PROM1: variants seen among roughly 807,000 people sequenced by gnomAD.
The protein encoded by PROM1 is prominin-1.
In PROM1, 105 loss-of-function variants were observed where a neutral mutation model predicts 116.9. The ratio of observed to expected loss-of-function variants is 0.90; its 90% confidence interval spans 0.77 to 1.06. PROM1 has a LOEUF of 1.06. Ranked by LOEUF, PROM1 falls within the 50% of genes least tolerant of loss-of-function variation. The pLI, the probability that PROM1 is intolerant of heterozygous loss-of-function variation, is 0.00. For missense variants in PROM1, 1,122 were observed against 1,045.2 expected, an observed-to-expected ratio of 1.07 and a Z score of -1.01; for synonymous variants, 393 against 387.0, an observed-to-expected ratio of 1.02 and a Z score of -0.18.
rs765118929 is a variant in PROM1, at chr4:15,989,763, T to C, written c.2045A>G (p.Gln682Arg). ...RDAQTIKTIH[Q>R]QRVLPIEQSL... ...TTGTTCTATAGGAAGGACTCGTTGC[T>C]GGTGAATTGTTTTAATAGTTTGTGC... Residue 682 changes from glutamine to arginine, a missense_variant, in exon 19 of 28, where the codon CAG becomes CGG. Coordinates refer to ENST00000447510, the MANE Select transcript of PROM1 (RefSeq NM_006017.3). The C allele has an allele frequency of 1.2e-6, 2 of 1,609,606 alleles. No homozygotes were observed. Among genetic ancestry groups the C allele is most frequent in the Admixed American group, 3.4e-5 (2 of 59,520 alleles).
intron 2 of PROM1, among the ~76,000 whole-genome samples, chr4:16,041,849 T>C (rs13140264): frequency 0.14 from 20,840 of 150,730 alleles, 1,898 homozygotes; most frequent in East Asian, 0.31. Context: ...GACTTAGATA[T>C]ACCCAATCTC....
At chr4:16,024,425 G>T (rs1730718375) in intron 6 of PROM1, 67 bp from the exon 7 acceptor site, 1 of 1,317,248 alleles carries the variant, frequency 7.6e-7, no homozygotes, top group Non-Finnish European at 1.1e-6. Context: ...GGCAAAAAGA[G>T]ATTTAATATA....
intron 16 of PROM1, among the ~76,000 whole-genome samples, chr4:15,993,565 G>A (rs1328717609): frequency 2.0e-5 from 3 of 152,202 alleles, no homozygotes; most frequent in East Asian, 1.9e-4. Flanking sequence ...GAAGGAGAAC[G>A]GTATGGACCA....
chr4:16,013,443 T>C (rs1256087606), intron 10 of PROM1, 105 bp from the exon 11 acceptor site: 3 of 751,458 alleles, frequency 4.0e-6, no homozygotes, highest in Non-Finnish European at 4.7e-6. Context: ...AAAATAAAAA[T>C]ATAACATTCA....
At position 15,992,346 on chromosome 4, in the gene PROM1, G is replaced by C; in HGVS notation, c.1813C>G (p.Leu605Val). Residue 605 changes from leucine (L) to valine (V), a missense_variant, in exon 17 of 28, where the codon CTT (leucine) becomes GTT (valine). Leu to Val is a conservative substitution (Grantham distance 32). Transcript: ENST00000447510. ...GCTGCACCCAACAGAAAGATATTAAGATTTACCTTCAGACTTTCCAATTCA... is the reference window on the plus strand; with the variant it reads ...GCTGCACCCAACAGAAAGATATTAACATTTACCTTCAGACTTTCCAATTCA... The part of the protein sequence containing the change: ...SSELESLKVN[L>V]NIFLLGAAGR... 2 of 1,613,906 alleles carry C rather than the reference G, an allele frequency of 1.2e-6. No homozygotes were observed. The highest frequency in any genetic ancestry group is 3.3e-5 in the Admixed American group (2 of 60,010).
chr4:16,032,218 T>C (rs929902367), intron 5 of PROM1, among the ~76,000 whole-genome samples: 1 of 152,032 alleles, frequency 6.6e-6, no homozygotes, highest in African/African-American at 2.4e-5. Flanking sequence ...ACTTCATCTG[T>C]CATGGTGACT....
At position 15,991,223 on chromosome 4, in the gene PROM1, A is replaced by G. The variant is rs372632641; in HGVS notation, c.1982T>C (p.Leu661Ser). The change falls in exon 18 of 28, where the codon TTG becomes TCG. Residue 661 changes from leucine (L) to serine (S), a missense_variant and splice_region_variant. Leu to Ser is a moderately radical substitution (Grantham distance 145, BLOSUM62 -2). Transcript: ENST00000447510. ...TTTAACCGGACGATTTGAACTCACC[A>G]AACTGTTTGCTTTTGCTTCTAGATC... is the stretch of plus-strand genomic sequence containing the variant. ...AYDLEAKANS[L>S]PPGNLRNSLK... 2.1e-5 allele frequency: 34 copies of G among 1,607,010 alleles called. No homozygotes were observed. Among genetic ancestry groups the G allele is most frequent in the Admixed American group, 3.4e-5 (2 of 58,654 alleles).
chr4:16,033,110 C>T lies in PROM1; in HGVS notation c.509+194G>A, dbSNP rs150859873. ...CAGCTGGGGCAGCTTCATTACAACG[C>T]TAATGTCTGATGATAATGAGATCCT... is the stretch of plus-strand genomic sequence containing the variant. On this transcript the variant is annotated intron_variant, in intron 5 of 27. Transcript: ENST00000447510. Among the ~76,000 whole-genome samples, 60 of 152,316 alleles carry T rather than the reference C, an allele frequency of 3.9e-4. No homozygotes were observed. In the East Asian group the frequency reaches 9.6e-3, roughly 24 times the overall value.
chr4:16,072,426 C>T (rs181657657), intron 2 of PROM1, among the ~76,000 whole-genome samples: 1 of 152,266 alleles, frequency 6.6e-6, no homozygotes, highest in African/African-American at 2.4e-5. Flanking sequence ...TTCAAAGCAC[C>T]ACTACTCTTG....
At chr4:15,976,113 G>A in intron 26 of PROM1, 1 of 449,148 alleles carries the variant, frequency 2.2e-6, no homozygotes, top group South Asian at 1.6e-5. Context: ...TCTGTCGTAA[G>A]CAGAATGACC....
chr4:16,039,887 G>C (rs929397815), intron 2 of PROM1, among the ~76,000 whole-genome samples: 4 of 151,992 alleles, frequency 2.6e-5, no homozygotes, highest in Admixed American at 1.3e-4. Context: ...AAAAGACTAA[G>C]AGCCACCTCT....
intron 19 of PROM1, among the ~76,000 whole-genome samples, chr4:15,989,287 G>C (rs1247638755): frequency 6.6e-6 from 1 of 152,060 alleles, no homozygotes; most frequent in Non-Finnish European, 1.5e-5. Flanking sequence ...GAAGCAAATG[G>C]AAAGGATGGA....
intron 23 of PROM1, among the ~76,000 whole-genome samples, chr4:15,981,694 T>C (rs10428324): frequency 0.65 from 98,643 of 152,132 alleles, 32,453 homozygotes; most frequent in Non-Finnish European, 0.72. Context: ...AGAAACAATG[T>C]TCACTGCATG....
intron 23 of PROM1, among the ~76,000 whole-genome samples, chr4:15,981,358 T>C (rs1257562059): frequency 1.3e-5 from 2 of 151,192 alleles, no homozygotes; most frequent in Admixed American, 1.3e-4. Flanking sequence ...ATCACGAGGT[T>C]AGGAGGTCGA....
At chr4:16,016,033 A>C (rs1407014066) in intron 10 of PROM1, 133 bp downstream of exon 10, 4 of 730,192 alleles carry the variant, frequency 5.5e-6, no homozygotes, top group East Asian at 2.8e-5. Flanking sequence ...CCTGGAAGGT[A>C]ATAGCTATCA....
At chr4:15,981,404 A>G (rs1023108352) in intron 23 of PROM1, among the ~76,000 whole-genome samples, 3 of 151,726 alleles carry the variant, frequency 2.0e-5, no homozygotes, top group African/African-American at 4.8e-5. Context: ...CCCCGTCTCT[A>G]CTAAAAATAG....
chr4:15,969,766 G>A (rs1412765712), intron 27 of PROM1, among the ~76,000 whole-genome samples: 1 of 149,824 alleles, frequency 6.7e-6, no homozygotes, highest in Non-Finnish European at 1.5e-5. Context: ...TAGTAGAGAT[G>A]GGGTTTCTCC....
At chr4:15,985,739 C>G in intron 22 of PROM1, 21 bp downstream of exon 22, 1 of 1,493,198 alleles carries the variant, frequency 6.7e-7, no homozygotes, top group Non-Finnish European at 9.3e-7. Context: ...CCTTAACATT[C>G]ATAAAAGATA....
intron 10 of PROM1, among the ~76,000 whole-genome samples, chr4:16,015,620 G>A (rs1426957819): frequency 6.6e-6 from 1 of 151,850 alleles, no homozygotes; most frequent in Non-Finnish European, 1.5e-5. Context: ...AACTCGGGAG[G>A]CAGAGGTTGC....
Sources: gnomAD v4.1 joint callset for allele counts (sites outside exome capture counted in the v4.1 genomes callset) on GRCh38, gnomAD v4.1.1 for gene constraint, MANE v1.5 for transcripts, NCBI Gene and HGNC (gene_info 2026-07-23, HGNC 2026-07-21) for gene names.